TLN2: variants seen among roughly 807,000 people sequenced by gnomAD.
TLN2 encodes the protein talin-2.
Under a neutral mutation model 294.7 loss-of-function variants are expected in TLN2, and 118 were observed. The observed-to-expected ratio is 0.40, with a 90% CI of 0.34 to 0.47. The LOEUF (loss-of-function observed/expected upper bound fraction) is 0.47, where lower values mean the gene tolerates loss of function less well. Among genes scored for constraint, TLN2 ranks in the 20% least tolerant of loss-of-function variants. The pLI is 0.84. For missense variants in TLN2, 3,083 were observed against 3,282.2 expected (o/e 0.94, Z 1.48); for synonymous variants, 1,431 against 1,304.5 (o/e 1.10, Z -2.09).
intron 22 of TLN2, among the ~76,000 whole-genome samples, chr15:62,712,844 T>A (rs77401673): frequency 0.01 from 1,580 of 152,318 alleles, 35 homozygotes; most frequent in African/African-American, 0.036. Flanking sequence ...CTGGGTTTTT[T>A]ATTGTGTACC....
In TLN2 at chr15:62,835,457, GC is replaced by G. The variant is rs1360794255; in HGVS notation, c.7129-278del. The G allele has an allele frequency of 2.3e-5, 12 of 521,498 alleles. No individual in the cohort carries two copies. In the Admixed American group the frequency reaches 3.6e-4, roughly 15 times the overall value. 32.3% of individuals were successfully genotyped at this position (521,498 alleles called of 1,614,324 possible). A position where few individuals can be genotyped will look rare whatever the true frequency, so the allele number is the denominator to read the frequency against. ...GACAGCCCCAGGTCATCATTCCTGA[GC>G]CGTTTCCCAGAATTGCAGTACCTGG... On this transcript the variant is annotated intron_variant, in intron 55 of 58. Coordinates refer to ENST00000636159, the MANE Select transcript of TLN2 (RefSeq NM_015059.3).
intron 1 of TLN2, among the ~76,000 whole-genome samples, chr15:62,475,856 A>G (rs1448236219): frequency 2.0e-5 from 3 of 152,226 alleles, no homozygotes; most frequent in Non-Finnish European, 4.4e-5. Flanking sequence ...CAGAGTAAGA[A>G]TAACATTTGT....
At chr15:62,762,638 A>G (rs2062746796) in intron 39 of TLN2, among the ~76,000 whole-genome samples, 185 bp downstream of exon 39, 1 of 152,230 alleles carries the variant, frequency 6.6e-6, no homozygotes, top group Admixed American at 6.5e-5. Flanking sequence ...CATATACCAA[A>G]TACTACTACA....
At position 62,753,904 on chromosome 15, in the gene TLN2, C is replaced by G; in HGVS notation, c.4464C>G (p.Ser1488Arg). The change falls in exon 36 of 59, where the codon AGC becomes AGG. Residue 1488 changes from serine (S) to arginine (R), a missense_variant. Coordinates refer to ENST00000636159, the MANE Select transcript of TLN2 (RefSeq NM_015059.3). ...MACQNLVDPG[S>R]SPSQVLSAAT... ...GCCAGAACTTGGTGGACCCTGGCAGCAGCCCATCACAGGTAACTGTTGGGG... is the reference window on the plus strand; with the variant it reads ...GCCAGAACTTGGTGGACCCTGGCAGGAGCCCATCACAGGTAACTGTTGGGG... 6.2e-7 allele frequency: 1 copy of G among 1,603,764 alleles called. No individual in the cohort carries two copies. Among genetic ancestry groups the G allele is most frequent in the Non-Finnish European group, 8.5e-7 (1 of 1,174,946 alleles).
At chr15:62,779,041 C>T (rs984784821) in intron 43 of TLN2, among the ~76,000 whole-genome samples, 1 of 152,236 alleles carries the variant, frequency 6.6e-6, no homozygotes, top group African/African-American at 2.4e-5. Context: ...CTATTAGACT[C>T]ACTGTCTGAA....
chr15:62,789,418 C>T (rs768261449), intron 45 of TLN2, among the ~76,000 whole-genome samples: 8 of 152,276 alleles, frequency 5.3e-5, no homozygotes, highest in Non-Finnish European at 4.4e-5. Flanking sequence ...GGGCCAGCTG[C>T]ACCATTGATC....
intron 1 of TLN2, among the ~76,000 whole-genome samples, chr15:62,508,331 C>T (rs1283867294): frequency 6.6e-6 from 1 of 152,134 alleles, no homozygotes; most frequent in Admixed American, 6.5e-5. Flanking sequence ...ATTCTCCTGC[C>T]TCAGCCTCCC....
chr15:62,764,855 C>T (rs1180497537), intron 40 of TLN2, among the ~76,000 whole-genome samples: 1 of 151,710 alleles, frequency 6.6e-6, no homozygotes, highest in Non-Finnish European at 1.5e-5. Flanking sequence ...TAATCCCAGC[C>T]ACCCAGGAGG....
chr15:62,540,642 G>T (rs1354976235), intron 1 of TLN2, among the ~76,000 whole-genome samples: 2 of 152,152 alleles, frequency 1.3e-5, no homozygotes, highest in Non-Finnish European at 1.5e-5. Context: ...ACTCTGAGAA[G>T]TCCAGCATAG....
intron 36 of TLN2, chr15:62,754,733 C>T (rs1342691800): frequency 6.6e-6 from 1 of 152,280 alleles, no homozygotes; most frequent in Non-Finnish European, 1.5e-5. Context: ...CCTTACCCAT[C>T]CAGCAAGGCC....
intron 1 of TLN2, among the ~76,000 whole-genome samples, chr15:62,580,876 A>AT (rs776576959): frequency 0.014 from 1,710 of 126,148 alleles, 19 homozygotes; most frequent in African/African-American, 0.031. Flanking sequence ...GCAACCACTG[A>AT]TTTTTTTTTT....
intron 33 of TLN2, among the ~76,000 whole-genome samples, chr15:62,749,912 C>T (rs1053607449): frequency 6.6e-6 from 1 of 152,156 alleles, no homozygotes; most frequent in African/African-American, 2.4e-5. Context: ...TGAACCATCA[C>T]AATGGACAGT....
At chr15:62,638,414 T>C (rs1020765145) in intron 3 of TLN2, 1 of 413,358 alleles carries the variant, frequency 2.4e-6, no homozygotes, top group Non-Finnish European at 4.8e-6. Context: ...TGACCAACAA[T>C]ATACTTAATG....
intron 1 of TLN2, among the ~76,000 whole-genome samples, chr15:62,492,952 A>G (rs541926997): frequency 1.3e-5 from 2 of 152,278 alleles, no homozygotes; most frequent in East Asian, 3.9e-4. Flanking sequence ...TCCTGCTGTC[A>G]CTGACATTTG....
chr15:62,621,128 T>C (rs1326144483), intron 3 of TLN2, among the ~76,000 whole-genome samples: 1 of 152,184 alleles, frequency 6.6e-6, no homozygotes. Context: ...TGTGAGCCAC[T>C]GTGCCCGGCC....
At chr15:62,586,779 C>T (rs1379071291) in intron 1 of TLN2, among the ~76,000 whole-genome samples, 1 of 152,226 alleles carries the variant, frequency 6.6e-6, no homozygotes, top group East Asian at 1.9e-4. Flanking sequence ...CAGAAAATCT[C>T]TTCATCAATT....
chr15:62,459,567 T>C (rs943042657), intron 1 of TLN2, among the ~76,000 whole-genome samples: 1 of 152,134 alleles, frequency 6.6e-6, no homozygotes, highest in African/African-American at 2.4e-5. Flanking sequence ...TGAATGAACA[T>C]GTGCAGGTGT....
chr15:62,702,880 G>A lies in TLN2; in HGVS notation c.2004+16G>A, dbSNP rs1472544250. On this transcript the variant is annotated intron_variant, in intron 19 of 58. Coordinates refer to ENST00000636159, the MANE Select transcript of TLN2 (RefSeq NM_015059.3). ...GCGATTCCAGGTAAGATATTTGCAG[G>A]CTTATAGTCATGGAAAGAAGTCTAA... 1 of 1,610,972 alleles carries A rather than the reference G, an allele frequency of 6.2e-7. No homozygotes were observed. The highest frequency in any genetic ancestry group is 1.1e-5 in the South Asian group (1 of 91,004).
At chr15:62,671,604 A>G (rs569858626) in intron 9 of TLN2, among the ~76,000 whole-genome samples, 21 of 152,278 alleles carry the variant, frequency 1.4e-4, no homozygotes, top group Non-Finnish European at 1.9e-4. Flanking sequence ...GTGAGGGTTA[A>G]TTTCTGGACT....
Sources: allele counts gnomAD v4.1 joint callset (sites outside exome capture counted in the v4.1 genomes callset), GRCh38; gene constraint gnomAD v4.1.1; transcripts MANE v1.5; gene names NCBI Gene and HGNC (gene_info 2026-07-23, HGNC 2026-07-21).